Variants in KIAA1217 observed in about 807,000 individuals in gnomAD.
The protein encoded by KIAA1217 is KIAA1217, also known as sickle tail protein homolog.
KIAA1217 carries 88 observed loss-of-function variants against 163.9 expected under a neutral mutation model. That is an observed-to-expected ratio of 0.54 (90% CI 0.45 to 0.64). KIAA1217 has a LOEUF of 0.64. Ranked by LOEUF, KIAA1217 falls within the 30% of genes least tolerant of loss-of-function variation. KIAA1217 has a pLI of 0.00. For missense variants in KIAA1217, 2,372 were observed against 2,475.0 expected, an observed-to-expected ratio of 0.96 and a Z score of 0.88; for synonymous variants, 903 against 923.1, an observed-to-expected ratio of 0.98 and a Z score of 0.39.
chr10:23,740,070 A>G (rs1005221449), intron 1 of KIAA1217, among the ~76,000 whole-genome samples: 1 of 120,192 alleles, frequency 8.3e-6, no homozygotes, highest in South Asian at 2.4e-4. Context: ...TGAGATGCCT[A>G]TGTAAGTGGA....
chr10:24,545,087 C>T lies in KIAA1217; in HGVS notation c.5318C>T (p.Pro1773Leu). ...KPGKQSKLQDPRQYRQANGSA... is the reference protein window; with the variant it reads ...KPGKQSKLQDLRQYRQANGSA... ...GGCAAGCAGTCCAAACTGCAGGATC[C>T]CCGCCAATATCGTCAGGTAGTTTTA... Residue 1773 changes from proline (P) to leucine (L), a missense_variant, in exon 20 of 21, where the codon CCC (proline) becomes CTC (leucine). Around this residue, in one of 3 missense-constraint regions of KIAA1217, gnomAD observed 690 missense variants for 677.5 expected, o/e 1.02. Coordinates refer to ENST00000376454, the MANE Select transcript of KIAA1217 (RefSeq NM_019590.5). 6.2e-7 allele frequency: 1 copy of T among 1,614,188 alleles called. No individual in the cohort carries two copies. Among genetic ancestry groups the T allele is most frequent in the Non-Finnish European group, 8.5e-7 (1 of 1,180,028 alleles).
chr10:24,207,282 T>TCTCTCACACACACA (rs529791287), upstream of KIAA1217, among the ~76,000 whole-genome samples: 9 of 140,166 alleles, frequency 6.4e-5, no homozygotes, highest in African/African-American at 2.6e-4. Context: ...TCTCTCTCTC[T>TCTCTCACACACACA]CACACACACA....
At chr10:23,899,245 G>A (rs1003203316) in intron 1 of KIAA1217, among the ~76,000 whole-genome samples, 4 of 152,090 alleles carry the variant, frequency 2.6e-5, no homozygotes, top group African/African-American at 9.7e-5. Context: ...ACTGGATGAT[G>A]CCAAATTGAT....
intron 1 of KIAA1217, among the ~76,000 whole-genome samples, chr10:23,753,201 A>G (rs1009033352): frequency 2.6e-5 from 4 of 152,248 alleles, no homozygotes; most frequent in Admixed American, 2.6e-4. Flanking sequence ...AATAGAGGGA[A>G]AACTGGCTAA....
rs373173295 is a variant in KIAA1217, at chr10:24,276,516, G to A, written c.354+56607G>A. Among the ~76,000 whole-genome samples the A allele has an allele frequency of 1.2e-4, 18 of 152,048 alleles. 1 individual carries two copies. The highest frequency in any genetic ancestry group is 9.8e-4 in the Admixed American group (15 of 15,262). ...GCTGGAGTGCAGTGGCACAATCATA[G>A]CCCCTGTAACCTTGAAGTCCTGGAC... On this transcript the variant is annotated intron_variant, in intron 2 of 20. Coordinates refer to ENST00000376454, the MANE Select transcript of KIAA1217 (RefSeq NM_019590.5).
rs143212113 is a variant in KIAA1217 at position 23,837,447 on chromosome 10, A to G, written c.-321+142213A>G. Among the ~76,000 whole-genome samples, 1,021 of 152,324 alleles carry G rather than the reference A, an allele frequency of 6.7e-3. 43 individuals carry two copies. Among genetic ancestry groups the G allele is most frequent in the Admixed American group, 0.047 (713 of 15,292 alleles). The stretch of plus-strand genomic sequence containing the variant: ...CCCCAAGGTTCTTCTTCACTCTTCC[A>G]GAGCCATGCACCCCAAGGACATTCT... On this transcript the variant is annotated intron_variant, in intron 1 of 18. Coordinates refer to the KIAA1217 transcript ENST00000376462.
At chr10:24,143,828 AC>A (rs1198760457) in intron 2 of KIAA1217, among the ~76,000 whole-genome samples, 1 of 151,486 alleles carries the variant, frequency 6.6e-6, no homozygotes, top group Non-Finnish European at 1.5e-5. Flanking sequence ...AAAAAAAAAA[AC>A]AAAAACAAAA....
intron 2 of KIAA1217, among the ~76,000 whole-genome samples, chr10:24,251,856 TA>T (rs34540873): frequency 0.016 from 1,934 of 119,650 alleles, 24 homozygotes; most frequent in East Asian, 0.034. Context: ...CTGCATCTGT[TA>T]AAAAAAAAAA....
chr10:23,968,339 G>A (rs1845160144), intron 1 of KIAA1217, among the ~76,000 whole-genome samples: 1 of 152,214 alleles, frequency 6.6e-6, no homozygotes, highest in Non-Finnish European at 1.5e-5. Context: ...ATGGGTATAT[G>A]CTTGATAGGG....
At chr10:23,750,464 C>T (rs998839970) in intron 1 of KIAA1217, among the ~76,000 whole-genome samples, 3 of 152,280 alleles carry the variant, frequency 2.0e-5, no homozygotes, top group Non-Finnish European at 4.4e-5. Context: ...TCTTTAACCT[C>T]CTCTTCACAG....
intron 2 of KIAA1217, among the ~76,000 whole-genome samples, chr10:24,260,700 G>T (rs993879658): frequency 6.6e-6 from 1 of 150,448 alleles, no homozygotes; most frequent in Non-Finnish European, 1.5e-5. Context: ...AGCTATGATT[G>T]AGCCACTGCC....
At chr10:24,266,928 A>G (rs2076293468) in intron 2 of KIAA1217, among the ~76,000 whole-genome samples, 1 of 152,118 alleles carries the variant, frequency 6.6e-6, no homozygotes, top group Admixed American at 6.5e-5. Context: ...AAAAGCTGTA[A>G]CACTCAGGAC....
At chr10:23,783,264 C>T (rs1379825503) in intron 1 of KIAA1217, among the ~76,000 whole-genome samples, 1 of 152,166 alleles carries the variant, frequency 6.6e-6, no homozygotes, top group African/African-American at 2.4e-5. Flanking sequence ...ACATTTAAAG[C>T]TATCCTGGCC....
At chr10:24,262,114 T>C (rs2075779306) in intron 2 of KIAA1217, among the ~76,000 whole-genome samples, 1 of 152,146 alleles carries the variant, frequency 6.6e-6, no homozygotes, top group South Asian at 2.1e-4. Context: ...TGGGTTGTTA[T>C]GGAAGAGAAA....
At chr10:24,040,619 G>A (rs1848590853) in intron 2 of KIAA1217, among the ~76,000 whole-genome samples, 2 of 152,272 alleles carry the variant, frequency 1.3e-5, no homozygotes, top group South Asian at 4.1e-4. Context: ...TGCAAACGTG[G>A]TGGTTCATTA....
chr10:23,945,185 T>C (rs1378201414), intron 1 of KIAA1217, among the ~76,000 whole-genome samples: 2 of 151,940 alleles, frequency 1.3e-5, no homozygotes. Flanking sequence ...TCTACAAGAA[T>C]GCTCATAGTA....
intron 2 of KIAA1217, among the ~76,000 whole-genome samples, chr10:24,200,072 G>A (rs1015504998): frequency 5.3e-5 from 8 of 151,940 alleles, no homozygotes; most frequent in African/African-American, 1.7e-4. Context: ...AGGCTTCAAT[G>A]TCTCCACTCC....
chr10:23,758,562 T>C (rs1834039122), intron 1 of KIAA1217, among the ~76,000 whole-genome samples: 1 of 151,910 alleles, frequency 6.6e-6, no homozygotes, highest in Admixed American at 6.6e-5. Flanking sequence ...AATTTTGGGG[T>C]GGGTTTTTCT....
At chr10:24,535,473 C>A (rs1179069332) in intron 16 of KIAA1217, among the ~76,000 whole-genome samples, 1 of 152,174 alleles carries the variant, frequency 6.6e-6, no homozygotes, top group African/African-American at 2.4e-5. Context: ...TAGGCTGATT[C>A]ATTTAAATAA....
Sources: gnomAD v4.1 joint callset for allele counts (sites outside exome capture counted in the v4.1 genomes callset) on GRCh38, gnomAD v4.1.1 for gene constraint, gnomAD v4.1.1 regional missense constraint, MANE v1.5 for transcripts, NCBI Gene and HGNC (gene_info 2026-07-23, HGNC 2026-07-21) for gene names.